The following PTPRT variants were observed in gnomAD, a reference collection of about 807,000 sequenced individuals.
The protein encoded by PTPRT is receptor-type tyrosine-protein phosphatase T.
PTPRT carries 56 observed loss-of-function variants against 176.8 expected under a neutral mutation model. The observed-to-expected ratio is 0.32, with a 90% CI of 0.26 to 0.40. The LOEUF is 0.40. Ranked by LOEUF, PTPRT falls within the 10% of genes least tolerant of loss-of-function variation. The pLI is 1.00. For missense variants in PTPRT, 1,540 were observed against 1,908.2 expected, an observed-to-expected ratio of 0.81 and a Z score of 3.60; for synonymous variants, 783 against 739.0, an observed-to-expected ratio of 1.06 and a Z score of -0.96.
chr20:42,063,296 C>A, the PTPRT span, among the ~76,000 whole-genome samples: 1 of 152,138 alleles, frequency 6.6e-6, no homozygotes, highest in African/African-American at 2.4e-5. Flanking sequence ...ACATATGGTA[C>A]CTCTCTGAGG....
In PTPRT at chr20:42,905,482, G is replaced by A. The variant is rs1262099311; in HGVS notation, c.89-19550C>T. The stretch of plus-strand genomic sequence containing the variant: ...ACACTGTTGGTGGGAGTGTAAATTA[G>A]TTCAACCATTGTGGAAGACAGTGTG... On this transcript the variant is annotated intron_variant, in intron 1 of 30. Coordinates refer to ENST00000373187, the MANE Select transcript of PTPRT (RefSeq NM_007050.6). Among the ~76,000 whole-genome samples the A allele has an allele frequency of 1.3e-5, 2 of 152,340 alleles. 1 individual carries two copies. The highest frequency in any genetic ancestry group is 4.1e-4 in the South Asian group (2 of 4,826).
chr20:42,161,221 T>G (rs1989580528), intron 17 of PTPRT, 131 bp downstream of exon 17: 4 of 998,662 alleles, frequency 4.0e-6, no homozygotes, highest in South Asian at 1.5e-5. Context: ...CCTGAGATGT[T>G]GCATTTCCTA....
At chr20:42,487,090 A>C (rs1052410335) in intron 7 of PTPRT, among the ~76,000 whole-genome samples, 7 of 152,210 alleles carry the variant, frequency 4.6e-5, no homozygotes, top group African/African-American at 1.7e-4. Context: ...GAGGGAGGAA[A>C]GTCTGACTTT....
chr20:43,163,637 C>CAA (rs34938136), intron 1 of PTPRT, among the ~76,000 whole-genome samples: 27 of 135,014 alleles, frequency 2.0e-4, no homozygotes, highest in Admixed American at 2.9e-4. Flanking sequence ...GACTCCTTCT[C>CAA]AAAAACAAAA....
rs144340165 is a variant in PTPRT, at chr20:42,465,658, G to A, written c.1450+6608C>T. The stretch of plus-strand genomic sequence containing the variant: ...AACTCTAAGAAAGATCAACCAGAAA[G>A]GAATGAAAATAGCTACCTTTCAAGT... On this transcript the variant is annotated intron_variant, in intron 8 of 30. Coordinates refer to ENST00000373187, the MANE Select transcript of PTPRT (RefSeq NM_007050.6). Among the ~76,000 whole-genome samples the A allele has an allele frequency of 2.2e-3, 331 of 152,242 alleles. 2 individuals are homozygous for A. Among genetic ancestry groups the A allele is most frequent in the African/African-American group, 7.1e-3 (296 of 41,552 alleles).
rs542305028 is a variant in PTPRT, at chr20:42,323,701, T to C, written c.1866-7705A>G. 5.9e-5 allele frequency among the ~76,000 whole-genome samples: 9 copies of C among 152,200 alleles called. No individual in the cohort carries two copies. The South Asian group carries it at 1.5e-3, about 25-fold the overall frequency. ...GGGTACAGCACACCAGCATGGCACA[T>C]GTATACATATGTAACTAACCTGCAC... On this transcript the variant is annotated intron_variant, in intron 11 of 30. Coordinates refer to ENST00000373187, the MANE Select transcript of PTPRT (RefSeq NM_007050.6).
Position 42,924,919 on chromosome 20 carries a change from AG to A in PTPRT, c.89-38988del, listed in dbSNP as rs201866782. ...TCCAGGGACTCTGATTCAATAGTTCAGGGGTTGGACTTGAGCATCCATTTTT... is the reference window on the plus strand; with the variant it reads ...TCCAGGGACTCTGATTCAATAGTTCAGGGTTGGACTTGAGCATCCATTTTT... On this transcript the variant is annotated intron_variant, in intron 1 of 30. Transcript: ENST00000373187. Among the ~76,000 whole-genome samples the A allele has an allele frequency of 2.8e-4, 42 of 152,336 alleles. 1 individual carries two copies. The highest frequency in any genetic ancestry group is 9.1e-4 in the African/African-American group (38 of 41,576).
intron 7 of PTPRT, among the ~76,000 whole-genome samples, chr20:42,664,005 TG>T (rs1456683693): frequency 9.8e-5 from 15 of 152,338 alleles, no homozygotes; most frequent in African/African-American, 3.6e-4. Flanking sequence ...CCTCTTAACA[TG>T]CTGTACCAGT....
chr20:42,393,489 A>C (rs79687048), intron 9 of PTPRT, among the ~76,000 whole-genome samples: 11,243 of 152,062 alleles, frequency 0.074, 482 homozygotes, highest in African/African-American at 0.13. Flanking sequence ...CTGCTTCCCC[A>C]CTCAGATTAC....
intron 12 of PTPRT, among the ~76,000 whole-genome samples, chr20:42,289,517 C>G (rs190178274): frequency 2.0e-5 from 3 of 151,866 alleles, no homozygotes; most frequent in Non-Finnish European, 2.9e-5. Context: ...AAGTGGCCAA[C>G]AAACATGAAA....
At chr20:42,639,945 C>G (rs914809999) in intron 7 of PTPRT, among the ~76,000 whole-genome samples, 2 of 152,114 alleles carry the variant, frequency 1.3e-5, no homozygotes, top group African/African-American at 4.8e-5. Context: ...TCCCTCTCCC[C>G]CCAACCCGAA....
At chr20:42,710,001 A>G (rs751274477) in intron 6 of PTPRT, among the ~76,000 whole-genome samples, 1 of 152,250 alleles carries the variant, frequency 6.6e-6, no homozygotes, top group Non-Finnish European at 1.5e-5. Flanking sequence ...CTGGCAGAAT[A>G]AATTTCTAAG....
At chr20:42,618,539 G>T (rs2074125068) in intron 7 of PTPRT, among the ~76,000 whole-genome samples, 1 of 132,954 alleles carries the variant, frequency 7.5e-6, no homozygotes, top group Non-Finnish European at 1.6e-5. Context: ...TGACAGGGGG[G>T]TGTTAAAGTC....
intron 7 of PTPRT, among the ~76,000 whole-genome samples, chr20:42,643,799 C>T (rs2074822063): frequency 6.6e-6 from 1 of 152,040 alleles, no homozygotes; most frequent in African/African-American, 2.4e-5. Flanking sequence ...CTTTATACGA[C>T]TGGTTGCAAC....
At chr20:42,724,164 G>A (rs1354965390) in intron 6 of PTPRT, among the ~76,000 whole-genome samples, 2 of 152,216 alleles carry the variant, frequency 1.3e-5, no homozygotes, top group African/African-American at 4.8e-5. Flanking sequence ...CTTGCCTTCA[G>A]AAAGCTCACT....
At chr20:42,864,804 T>G (rs1412824150) in intron 2 of PTPRT, among the ~76,000 whole-genome samples, 2 of 152,230 alleles carry the variant, frequency 1.3e-5, no homozygotes, top group Non-Finnish European at 2.9e-5. Context: ...GCAATAACCT[T>G]TCTGTTATTA....
intron 9 of PTPRT, among the ~76,000 whole-genome samples, chr20:42,425,220 C>A (rs1284144686): frequency 1.3e-5 from 2 of 152,056 alleles, no homozygotes; most frequent in Non-Finnish European, 2.9e-5. Flanking sequence ...CAAGCAAACC[C>A]ACACAAAGAT....
At chr20:42,782,388 A>G (rs2077227707) in intron 3 of PTPRT, among the ~76,000 whole-genome samples, 1 of 152,182 alleles carries the variant, frequency 6.6e-6, no homozygotes, top group African/African-American at 2.4e-5. Context: ...CAGGTCACAG[A>G]TCTGTATTTC....
chr20:42,349,799 G>A (rs551479302), intron 11 of PTPRT, among the ~76,000 whole-genome samples: 1 of 152,290 alleles, frequency 6.6e-6, no homozygotes, highest in African/African-American at 2.4e-5. Context: ...AGTCAATATT[G>A]CTGCCCTTGT....
Sources: gnomAD v4.1 joint callset for allele counts (sites outside exome capture counted in the v4.1 genomes callset) on GRCh38, gnomAD v4.1.1 for gene constraint, MANE v1.5 for transcripts, NCBI Gene and HGNC (gene_info 2026-07-23, HGNC 2026-07-21) for gene names.